Variants in MGAT5 observed in about 807,000 individuals in gnomAD.
The protein encoded by MGAT5 is alpha-1,6-mannosylglycoprotein 6-beta-N-acetylglucosaminyltransferase.
In MGAT5, 30 loss-of-function variants were observed where a neutral mutation model predicts 94.3. The observed-to-expected ratio is 0.32, with a 90% CI of 0.24 to 0.43. The LOEUF (loss-of-function observed/expected upper bound fraction) is 0.43. Ranked by LOEUF, MGAT5 falls within the 20% of genes least tolerant of loss-of-function variation. The probability of loss-of-function intolerance (pLI) is 1.00; values close to 1 mark genes in which losing one functional copy is unlikely to be tolerated. For synonymous variants in MGAT5, 310 were observed against 322.9 expected, an observed-to-expected ratio of 0.96 and a Z score of 0.43; for missense variants, 691 against 905.5, an observed-to-expected ratio of 0.76 and a Z score of 3.04.
intron 2 of MGAT5, among the ~76,000 whole-genome samples, chr2:134,282,209 CA>C: frequency 6.6e-6 from 1 of 152,344 alleles, no homozygotes; most frequent in Middle Eastern, 3.4e-3. Flanking sequence ...GTCTATGCCA[CA>C]TGGGGAGGAT....
At chr2:134,213,394 T>C (rs901469524) in intron 1 of MGAT5, among the ~76,000 whole-genome samples, 1 of 151,084 alleles carries the variant, frequency 6.6e-6, no homozygotes, top group Non-Finnish European at 1.5e-5. Context: ...AAAAATTCTG[T>C]TTCTCAAAAT....
chr2:134,191,793 T>A (rs1273147177), intron 1 of MGAT5, among the ~76,000 whole-genome samples: 1 of 148,568 alleles, frequency 6.7e-6, no homozygotes, highest in Non-Finnish European at 1.5e-5. Context: ...TTTCGTGCCC[T>A]CCTCCTCCTC....
chr2:134,318,764 G>C (rs777679007), intron 4 of MGAT5, 25 bp downstream of exon 4: 5 of 1,528,558 alleles, frequency 3.3e-6, no homozygotes, highest in Admixed American at 3.4e-5. Context: ...GTGGCTCCTG[G>C]GGGTAGATGT....
chr2:134,390,200 A>G (rs2106246413), intron 10 of MGAT5, among the ~76,000 whole-genome samples: 1 of 152,254 alleles, frequency 6.6e-6, no homozygotes, highest in East Asian at 1.9e-4. Context: ...ACACATTCCT[A>G]TTTTTTTGTG....
intron 2 of MGAT5, among the ~76,000 whole-genome samples, chr2:134,297,642 C>T (rs1685755994): frequency 6.6e-6 from 1 of 152,064 alleles, no homozygotes; most frequent in African/African-American, 2.4e-5. Context: ...AATCATGTTA[C>T]CTTAATATAA....
intron 2 of MGAT5, among the ~76,000 whole-genome samples, chr2:134,278,555 A>G (rs1684514961): frequency 6.6e-6 from 1 of 152,228 alleles, no homozygotes; most frequent in Non-Finnish European, 1.5e-5. Context: ...AAGAGATTTC[A>G]GATGAGCAGA....
In MGAT5 at chr2:134,225,077, CAAAAAAAA is replaced by C. The variant is rs1167660901; in HGVS notation, c.-142-29167_-142-29160del. Among the ~76,000 whole-genome samples, 22 of 68,218 alleles carry C rather than the reference CAAAAAAAA, an allele frequency of 3.2e-4. 1 individual carries two copies. Among genetic ancestry groups the C allele is most frequent in the Admixed American group, 1.9e-3 (10 of 5,268 alleles). The allele number at this position is 68,218 out of a possible 152,430, so 44.8% of individuals were successfully genotyped here. A position where few individuals can be genotyped will look rare whatever the true frequency, so the allele number is the denominator to read the frequency against. On this transcript the variant is annotated intron_variant, in intron 1 of 16. Coordinates refer to the MGAT5 transcript ENST00000409645. ...GGTGACAGAGTGAGACCCTGTCTCA[CAAAAAAAA>C]AAAAAAAAAAAAAAAAATGCGGTGG...
At chr2:134,136,111 A>T (rs1391409182) in intron 1 of MGAT5, among the ~76,000 whole-genome samples, 1 of 152,186 alleles carries the variant, frequency 6.6e-6, no homozygotes, top group African/African-American at 2.4e-5. Flanking sequence ...ACCAATAGAA[A>T]TCTAATATTT....
chr2:134,431,115 A>G (rs1023188791), intron 14 of MGAT5, among the ~76,000 whole-genome samples: 2 of 152,176 alleles, frequency 1.3e-5, no homozygotes, highest in Admixed American at 6.5e-5. Flanking sequence ...ATGGGGAATG[A>G]TAGGCACTTG....
intron 2 of MGAT5, among the ~76,000 whole-genome samples, chr2:134,305,378 C>G (rs2105843305): frequency 6.6e-6 from 1 of 152,250 alleles, no homozygotes; most frequent in African/African-American, 2.4e-5. Flanking sequence ...ACGCTTGTGA[C>G]AAGTGATTCA....
chr2:134,158,303 G>A (rs1687572989), intron 1 of MGAT5, among the ~76,000 whole-genome samples: 2 of 152,212 alleles, frequency 1.3e-5, no homozygotes, highest in African/African-American at 2.4e-5. Context: ...GGCGCCTGCA[G>A]GCCCATACCG....
chr2:134,151,932 G>A (rs1488918794), intron 1 of MGAT5, among the ~76,000 whole-genome samples: 3 of 98,232 alleles, frequency 3.1e-5, no homozygotes, highest in Admixed American at 1.1e-4. Context: ...TGTGGGACCC[G>A]CCCACCGCCA....
At chr2:134,130,614 G>T (rs1037031003) in intron 1 of MGAT5, among the ~76,000 whole-genome samples, 3 of 152,164 alleles carry the variant, frequency 2.0e-5, no homozygotes, top group Admixed American at 6.5e-5. Flanking sequence ...GGGACTTGGA[G>T]AACTTTTATG....
intron 10 of MGAT5, 89 bp from the exon 11 acceptor site, chr2:134,402,899 C>T: frequency 7.6e-7 from 1 of 1,311,864 alleles, no homozygotes; most frequent in South Asian, 1.7e-5. Context: ...TGTCTGTGGC[C>T]TCTAGTCTTA....
At chr2:134,234,227 AG>A (rs1158010501) in intron 1 of MGAT5, among the ~76,000 whole-genome samples, 1 of 152,174 alleles carries the variant, frequency 6.6e-6, no homozygotes, top group Non-Finnish European at 1.5e-5. Context: ...GGTTGGTGGG[AG>A]TCAAGACTTA....
At chr2:134,438,601 C>T (rs1685305387) in intron 14 of MGAT5, among the ~76,000 whole-genome samples, 1 of 152,208 alleles carries the variant, frequency 6.6e-6, no homozygotes, top group South Asian at 2.1e-4. Context: ...CATTCAGGGT[C>T]TCACAGGTCT....
At chr2:134,410,303 C>G (rs1287588429) in intron 11 of MGAT5, among the ~76,000 whole-genome samples, 1 of 152,190 alleles carries the variant, frequency 6.6e-6, no homozygotes, top group Non-Finnish European at 1.5e-5. Context: ...GACCTTAATA[C>G]ATCTGCTCCA....
At chr2:134,433,599 T>C (rs192943605) in intron 14 of MGAT5, among the ~76,000 whole-genome samples, 2 of 152,342 alleles carry the variant, frequency 1.3e-5, no homozygotes, top group East Asian at 3.9e-4. Context: ...TGGGGCCGTG[T>C]GTGGACACAG....
At chr2:134,213,335 C>G (rs56170427) in intron 1 of MGAT5, among the ~76,000 whole-genome samples, 2 of 151,566 alleles carry the variant, frequency 1.3e-5, no homozygotes, top group Non-Finnish European at 2.9e-5. Context: ...CCCCGCCCCC[C>G]ACTGCTGCCT....
Sources: gnomAD v4.1 joint callset for allele counts (sites outside exome capture counted in the v4.1 genomes callset) on GRCh38, gnomAD v4.1.1 for gene constraint, MANE v1.5 for transcripts, NCBI Gene and HGNC (gene_info 2026-07-23, HGNC 2026-07-21) for gene names.